LGR5: variants seen among roughly 807,000 people sequenced by gnomAD.
LGR5 encodes the protein leucine rich repeat containing G protein-coupled receptor 5.
LGR5 carries 54 observed loss-of-function variants against 76.7 expected under a neutral mutation model. The ratio of observed to expected loss-of-function variants is 0.70; its 90% confidence interval spans 0.57 to 0.88. The LOEUF (loss-of-function observed/expected upper bound fraction) is 0.88. LGR5 is among the 40% of genes least tolerant of loss of function. LGR5 has a pLI of 0.00. For missense variants in LGR5, 1,078 were observed against 1,073.3 expected (o/e 1.00, Z -0.06); for synonymous variants, 406 against 421.9 (o/e 0.96, Z 0.46).
Position 71,580,338 on chromosome 12 carries a change from T to C in LGR5, c.1467T>C (p.Tyr489=), listed in dbSNP as rs1450439882. ...CCAFGVCENA[Y]KISNQWNKGD... ...CATTTGGAGTGTGTGAGAATGCCTA[T>C]AAGATTTCTAATCAATGGAATAAAG... The change falls in exon 16 of 18, where the codon TAT becomes TAC. Residue 489 remains tyrosine (Y), a synonymous_variant. Coordinates refer to ENST00000266674, the MANE Select transcript of LGR5 (RefSeq NM_003667.4). The C allele has an allele frequency of 1.2e-6, 2 of 1,613,900 alleles. No homozygotes were observed. Among genetic ancestry groups the C allele is most frequent in the African/African-American group, 1.3e-5 (1 of 75,034 alleles).
intron 1 of LGR5, among the ~76,000 whole-genome samples, chr12:71,449,132 A>C (rs1334235429): frequency 6.6e-6 from 1 of 152,190 alleles, no homozygotes; most frequent in Non-Finnish European, 1.5e-5. Flanking sequence ...CCCTCGCTTC[A>C]AGATAGTATC....
At chr12:71,564,523 A>G (rs1466562667) in intron 8 of LGR5, among the ~76,000 whole-genome samples, 1 of 4,118 alleles carries the variant, frequency 2.4e-4, no homozygotes, top group African/African-American at 5.3e-4. Flanking sequence ...GTACACACGC[A>G]CCGTGTATAT....
intron 12 of LGR5, 149 bp from the exon 13 acceptor site, chr12:71,572,701 T>TAC (rs781242303): frequency 2.2e-5 from 13 of 599,246 alleles, no homozygotes; most frequent in Non-Finnish European, 3.5e-5. Flanking sequence ...ATGTTCTTTT[T>TAC]TAAACAAACA....
Position 71,461,445 on chromosome 12 carries a change from A to G in LGR5, c.212+21153A>G, listed in dbSNP as rs187373273. 2.0e-3 allele frequency among the ~76,000 whole-genome samples: 311 copies of G among 152,294 alleles called. 3 individuals carry two copies. The highest frequency in any genetic ancestry group is 6.7e-3 in the African/African-American group (280 of 41,576). ...CATTTTACTTGATAAAGGGATTTCC[A>G]TTTGAAGATATCACCATAGCATCCT... On this transcript the variant is annotated intron_variant, in intron 1 of 17. Coordinates refer to ENST00000266674, the MANE Select transcript of LGR5 (RefSeq NM_003667.4).
chr12:71,573,238 G>T (rs774934660), intron 13 of LGR5, among the ~76,000 whole-genome samples: 2 of 152,120 alleles, frequency 1.3e-5, no homozygotes, highest in Non-Finnish European at 2.9e-5. Context: ...TGCAAAAATG[G>T]GATGATCACA....
chr12:71,447,449 G>A (rs1872051053), intron 1 of LGR5, among the ~76,000 whole-genome samples: 1 of 152,212 alleles, frequency 6.6e-6, no homozygotes, highest in South Asian at 2.1e-4. Context: ...ATTAGGATAT[G>A]TTTGGGGTAC....
At chr12:71,564,952 T>C (rs1878266549) in intron 8 of LGR5, among the ~76,000 whole-genome samples, 1 of 151,334 alleles carries the variant, frequency 6.6e-6, no homozygotes, top group Admixed American at 6.6e-5. Flanking sequence ...TACGTATGTG[T>C]ATATATACGT....
At chr12:71,508,395 T>C (rs1038097263) in intron 2 of LGR5, among the ~76,000 whole-genome samples, 4 of 152,088 alleles carry the variant, frequency 2.6e-5, no homozygotes, top group African/African-American at 9.7e-5. Flanking sequence ...AACAAAGGTG[T>C]CAAAGTTCAA....
chr12:71,532,219 G>A (rs1876354026), intron 3 of LGR5, among the ~76,000 whole-genome samples: 1 of 152,048 alleles, frequency 6.6e-6, no homozygotes, highest in Admixed American at 6.6e-5. Flanking sequence ...ATTGGATGAT[G>A]GATTGAAACT....
At chr12:71,485,783 T>G (rs958537358) in intron 1 of LGR5, among the ~76,000 whole-genome samples, 1 of 151,814 alleles carries the variant, frequency 6.6e-6, no homozygotes, top group Non-Finnish European at 1.5e-5. Context: ...TTTTTTTTTT[T>G]TGAGAGGAAG....
At chr12:71,536,344 T>C (rs1876583959) in intron 4 of LGR5, among the ~76,000 whole-genome samples, 1 of 152,214 alleles carries the variant, frequency 6.6e-6, no homozygotes, top group African/African-American at 2.4e-5. Context: ...TTTTTTCTTT[T>C]TAATGAAAGA....
At chr12:71,535,489 G>A (rs569993750) in intron 4 of LGR5, among the ~76,000 whole-genome samples, 2 of 132,624 alleles carry the variant, frequency 1.5e-5, no homozygotes, top group South Asian at 5.6e-4. Context: ...ATTCGAATAA[G>A]AAATAGTGCT....
intron 2 of LGR5, among the ~76,000 whole-genome samples, chr12:71,514,873 T>A (rs140437077): frequency 6.6e-6 from 1 of 152,274 alleles, no homozygotes; most frequent in African/African-American, 2.4e-5. Flanking sequence ...GTAGATACAG[T>A]TTTTGAAAAT....
intron 7 of LGR5, 80 bp downstream of exon 7, chr12:71,559,734 T>C (rs943370886): frequency 1.3e-6 from 1 of 755,052 alleles, no homozygotes. Context: ...TTGTTTTACA[T>C]AATATGACTT....
intron 1 of LGR5, among the ~76,000 whole-genome samples, chr12:71,459,945 C>A (rs547789700): frequency 4.6e-5 from 7 of 151,866 alleles, no homozygotes; most frequent in Non-Finnish European, 2.9e-5. Context: ...ATCTGCAGAC[C>A]ACTTAGAACA....
At chr12:71,522,021 T>C (rs1001058993) in intron 2 of LGR5, among the ~76,000 whole-genome samples, 2 of 152,090 alleles carry the variant, frequency 1.3e-5, no homozygotes, top group African/African-American at 4.8e-5. Flanking sequence ...AGCACTGAGG[T>C]TGCTTTGAAA....
intron 14 of LGR5, 126 bp from the exon 15 acceptor site, chr12:71,578,678 A>ACT (rs1878961689): frequency 5.7e-6 from 5 of 880,334 alleles, no homozygotes; most frequent in Non-Finnish European, 8.3e-6. Context: ...TTTACCATTA[A>ACT]GAGTAAGGAC....
Position 71,585,146 on chromosome 12 carries a change from A to G in LGR5, c.*412A>G, listed in dbSNP as rs1480183390. The G allele has an allele frequency of 6.0e-6, 1 of 165,404 alleles. No individual in the cohort carries two copies. Among genetic ancestry groups the G allele is most frequent in the Non-Finnish European group, 1.3e-5 (1 of 75,834 alleles). The allele number at this position is 165,404 out of a possible 1,614,324, so 10.2% of individuals were successfully genotyped here. A position where few individuals can be genotyped will look rare whatever the true frequency, so the allele number is the denominator to read the frequency against. On this transcript the variant is annotated 3_prime_UTR_variant, in exon 18 of 18. Transcript: ENST00000266674. Reference sequence around the variant, plus strand: ...AACTCAAGAGGTTGTTGGGGGAATTAGGAAAATAAGGGTTTTCAATGACCT... The same window carrying G: ...AACTCAAGAGGTTGTTGGGGGAATTGGGAAAATAAGGGTTTTCAATGACCT...
intron 2 of LGR5, among the ~76,000 whole-genome samples, chr12:71,515,679 A>G (rs1173530396): frequency 6.6e-6 from 1 of 152,242 alleles, no homozygotes; most frequent in African/African-American, 2.4e-5. Context: ...TCAAATTTCT[A>G]GAAGAAATTA....
Sources: gnomAD v4.1 joint callset for allele counts (sites outside exome capture counted in the v4.1 genomes callset) on GRCh38, gnomAD v4.1.1 for gene constraint, MANE v1.5 for transcripts, NCBI Gene and HGNC (gene_info 2026-07-23, HGNC 2026-07-21) for gene names.